ARID1B: variants seen among roughly 807,000 people sequenced by gnomAD.
The protein encoded by ARID1B is AT-rich interactive domain-containing protein 1B.
ARID1B carries 30 observed loss-of-function variants against 212.3 expected under a neutral mutation model. The ratio of observed to expected loss-of-function variants is 0.14; its 90% CI spans 0.11 to 0.19. The LOEUF (loss-of-function observed/expected upper bound fraction) is 0.19, where lower values mean the gene tolerates loss of function less well. Ranked by LOEUF, ARID1B falls within the 10% of genes least tolerant of loss-of-function variation. ARID1B has a pLI of 1.00. For synonymous variants in ARID1B, 1,402 were observed against 1,301.7 expected (o/e 1.08, Z -1.66); for missense variants, 2,891 against 3,204.0 (o/e 0.90, Z 2.36).
At chr6:156,970,376 C>A (rs1562519306) in intron 4 of ARID1B, among the ~76,000 whole-genome samples, 1 of 152,158 alleles carries the variant, frequency 6.6e-6, no homozygotes, top group Non-Finnish European at 1.5e-5. Flanking sequence ...AGCCACCTTG[C>A]CCAGCCAAGC....
intron 4 of ARID1B, among the ~76,000 whole-genome samples, chr6:157,071,000 G>A (rs1023600226): frequency 2.0e-5 from 3 of 152,184 alleles, no homozygotes; most frequent in African/African-American, 7.2e-5. Flanking sequence ...ACTGGCACTC[G>A]TGCAGCTCGG....
chr6:157,113,921 G>T (rs1210829515), intron 6 of ARID1B, among the ~76,000 whole-genome samples: 4 of 152,202 alleles, frequency 2.6e-5, no homozygotes, highest in African/African-American at 9.7e-5. Flanking sequence ...AGAAATGTTA[G>T]CTCCTAATAA....
At chr6:157,181,272 C>T in intron 12 of ARID1B, 94 bp downstream of exon 12, 1 of 1,450,520 alleles carries the variant, frequency 6.9e-7, no homozygotes, top group Non-Finnish European at 9.4e-7. Context: ...TTTTTTTTCT[C>T]ACAAAGGAAA....
intron 1 of ARID1B, among the ~76,000 whole-genome samples, chr6:156,799,460 G>T (rs1349890687): frequency 6.6e-6 from 1 of 152,148 alleles, no homozygotes; most frequent in Non-Finnish European, 1.5e-5. Flanking sequence ...TTTATTGCTT[G>T]CTTGCGCATT....
rs1794653733 is a variant in ARID1B at position 157,209,054 on chromosome 6, TA to T, written c.*1167del. 1 of 224,418 alleles carries T rather than the reference TA, an allele frequency of 4.5e-6. No homozygotes were observed. The highest frequency in any genetic ancestry group is 8.8e-6 in the Non-Finnish European group (1 of 113,838). 13.9% of individuals were successfully genotyped at this position (224,418 alleles called of 1,614,324 possible). A position where few individuals can be genotyped will look rare whatever the true frequency, so the allele number is the denominator to read the frequency against. On this transcript the variant is annotated 3_prime_UTR_variant, in exon 20 of 20. Coordinates refer to ENST00000636930, the MANE Select transcript of ARID1B (RefSeq NM_001374828.1). ...AAAGAGAAAATGAAAAAAATACAAC[TA>T]AAAGGAAGAAACACAACTTCAAAGA...
At chr6:156,845,460 G>A (rs1405905850) in intron 2 of ARID1B, among the ~76,000 whole-genome samples, 18 of 152,074 alleles carry the variant, frequency 1.2e-4, no homozygotes, top group Admixed American at 7.9e-4. Context: ...GGAGATGTGC[G>A]TGTCTCTGCT....
At chr6:157,191,917 T>C (rs1793407874) in intron 15 of ARID1B, among the ~76,000 whole-genome samples, 1 of 152,236 alleles carries the variant, frequency 6.6e-6, no homozygotes, top group Admixed American at 6.5e-5. Flanking sequence ...GGTTTTCATA[T>C]GTATTATAGA....
At chr6:156,922,778 T>TG (rs1790913346) in intron 3 of ARID1B, among the ~76,000 whole-genome samples, 1 of 152,198 alleles carries the variant, frequency 6.6e-6, no homozygotes. Flanking sequence ...GACAAATACA[T>TG]GCATCACAGA....
rs376600459 is a variant in ARID1B, at chr6:157,186,796, C to A, written c.3919+2361C>A. Among the ~76,000 whole-genome samples, 3 of 152,076 alleles carry A rather than the reference C, an allele frequency of 2.0e-5. No individual in the cohort carries two copies. In the South Asian group the frequency reaches 6.2e-4, roughly 31 times the overall value. On this transcript the variant is annotated intron_variant, in intron 13 of 19. Transcript: ENST00000636930. The stretch of plus-strand genomic sequence containing the variant: ...TGAAGAAACATTTTAGATTTTTTTT[C>A]ACCCAATGGTTGCTCTGAACCAGCT...
chr6:157,076,840 A>G (rs1233536699), intron 4 of ARID1B, among the ~76,000 whole-genome samples: 1 of 152,168 alleles, frequency 6.6e-6, no homozygotes, highest in Non-Finnish European at 1.5e-5. Context: ...GGAAGCACCA[A>G]CCCATAAACC....
chr6:157,148,529 C>T lies in ARID1B; in HGVS notation c.2762-95C>T. 7.3e-7 allele frequency: 1 copy of T among 1,364,024 alleles called. No homozygotes were observed. The allele number at this position is 1,364,024 out of a possible 1,614,324, so 84.5% of individuals were successfully genotyped here. ...GCCTATAACGGTCATGACTAATACT[C>T]CGTGCTGATCGCATTGTTGGACAAA... On this transcript the variant is annotated intron_variant, in intron 7 of 19. Coordinates refer to ENST00000636930, the MANE Select transcript of ARID1B (RefSeq NM_001374828.1). This position sits in a 1 kb window ranked among gnomAD's most constrained non-coding sequence, Gnocchi z 5.6.
At position 157,208,715 on chromosome 6, in the gene ARID1B, C is replaced by CTTTTTT. The variant is rs878880822; in HGVS notation, c.*837_*842dup. 1.3e-4 allele frequency: 20 copies of CTTTTTT among 150,354 alleles called. No homozygotes were observed. The highest frequency in any genetic ancestry group is 3.0e-4 in the South Asian group (1 of 3,358). The allele number at this position is 150,354 out of a possible 1,614,324, so 9.3% of individuals were successfully genotyped here. A position where few individuals can be genotyped will look rare whatever the true frequency, so the allele number is the denominator to read the frequency against. On this transcript the variant is annotated 3_prime_UTR_variant, in exon 20 of 20. Coordinates refer to ENST00000636930, the MANE Select transcript of ARID1B (RefSeq NM_001374828.1). ...AAACATACCCTCATTTTTTTCTTTT[C>CTTTTTT]TTTTTTTTTTTTTTTTTTAGTACAA...
At chr6:156,780,835 A>G (rs892720701) in intron 1 of ARID1B, among the ~76,000 whole-genome samples, 1 of 152,202 alleles carries the variant, frequency 6.6e-6, no homozygotes, top group Admixed American at 6.5e-5. Flanking sequence ...CATAGACTTT[A>G]ATTGGAGGCT....
chr6:156,829,120 AAACTT>A, intron 1 of ARID1B, 102 bp from the exon 2 acceptor site: 2 of 909,458 alleles, frequency 2.2e-6, no homozygotes, highest in Non-Finnish European at 3.3e-6. Flanking sequence ...AATATTTTTA[AAACTT>A]AAGGATAGTT....
Position 156,924,810 on chromosome 6 carries a change from A to G in ARID1B, c.2137-10656A>G, listed in dbSNP as rs76856927. 8.1e-3 allele frequency among the ~76,000 whole-genome samples: 1,231 copies of G among 152,326 alleles called. 16 individuals are homozygous for G. Among genetic ancestry groups the G allele is most frequent in the African/African-American group, 0.028 (1,165 of 41,568 alleles). On this transcript the variant is annotated intron_variant, in intron 3 of 19. Transcript: ENST00000636930. Reference sequence around the variant, plus strand: ...ATTTTTAAAAATTATTAGATACATTACTTTTTCCCTACAAAAAGTATAGAG... The same window carrying G: ...ATTTTTAAAAATTATTAGATACATTGCTTTTTCCCTACAAAAAGTATAGAG...
chr6:157,038,180 G>A (rs1342182748), intron 4 of ARID1B, among the ~76,000 whole-genome samples: 3 of 152,090 alleles, frequency 2.0e-5, no homozygotes, highest in African/African-American at 7.2e-5. Context: ...TTCATATAGA[G>A]GTGTAGAAGT....
chr6:157,039,854 CTCTT>C (rs1348996778), intron 4 of ARID1B, among the ~76,000 whole-genome samples: 15 of 118,352 alleles, frequency 1.3e-4, no homozygotes, highest in African/African-American at 2.5e-4. Flanking sequence ...CTCTTTCTCT[CTCTT>C]TCTCTCTCTT....
intron 2 of ARID1B, among the ~76,000 whole-genome samples, chr6:156,871,409 A>C (rs1038725242): frequency 2.0e-5 from 3 of 152,210 alleles, no homozygotes; most frequent in Admixed American, 1.3e-4. Flanking sequence ...TGCTAGACAG[A>C]GTGGAAATCA....
chr6:156,991,564 AT>A (rs1778279180), intron 4 of ARID1B, among the ~76,000 whole-genome samples: 1 of 152,136 alleles, frequency 6.6e-6, no homozygotes, highest in Non-Finnish European at 1.5e-5. Context: ...TGTCTATGTT[AT>A]TGTACCAAAT....
Sources: gnomAD v4.1 joint callset for allele counts (sites outside exome capture counted in the v4.1 genomes callset) on GRCh38, gnomAD v4.1.1 for gene constraint, Gnocchi (gnomAD v3.1) non-coding constraint, MANE v1.5 for transcripts, NCBI Gene and HGNC (gene_info 2026-07-23, HGNC 2026-07-21) for gene names.